The following QSOX1 variants were observed in gnomAD, a reference collection of about 807,000 sequenced individuals.
QSOX1 encodes sulfhydryl oxidase 1.
Under a neutral mutation model 76.1 loss-of-function variants are expected in QSOX1, and 40 were observed. That is an observed-to-expected ratio of 0.53 (90% confidence interval 0.41 to 0.68). The LOEUF is 0.68. Ranked by LOEUF, QSOX1 falls within the 30% of genes least tolerant of loss-of-function variation. QSOX1 has a pLI of 0.00. For synonymous variants in QSOX1, 392 were observed against 413.1 expected, an observed-to-expected ratio of 0.95 and a Z score of 0.62; for missense variants, 931 against 974.3, an observed-to-expected ratio of 0.96 and a Z score of 0.59.
At chr1:180,171,299 T>C (rs891391170) in intron 2 of QSOX1, among the ~76,000 whole-genome samples, 3 of 152,070 alleles carry the variant, frequency 2.0e-5, no homozygotes, top group African/African-American at 4.8e-5. Flanking sequence ...GGAGGTCAAA[T>C]TCATAGGACT....
chr1:180,166,774 C>T (rs899291779), intron 2 of QSOX1, among the ~76,000 whole-genome samples, 183 bp downstream of exon 2: 2 of 152,234 alleles, frequency 1.3e-5, no homozygotes, highest in African/African-American at 4.8e-5. Context: ...AATTGCTCTC[C>T]CTCTTGACCT....
intron 2 of QSOX1, among the ~76,000 whole-genome samples, chr1:180,173,201 A>G (rs1662802843): frequency 6.6e-6 from 1 of 151,846 alleles, no homozygotes; most frequent in South Asian, 2.1e-4. Flanking sequence ...GGTTCAAGTG[A>G]TCCTCCCTCC....
intron 1 of QSOX1, among the ~76,000 whole-genome samples, chr1:180,165,446 A>G (rs1572039545): frequency 6.6e-6 from 1 of 150,766 alleles, no homozygotes. Flanking sequence ...CCTCCCAAAA[A>G]CCCTCCTCTC....
chr1:180,178,937 C>G, intron 5 of QSOX1, 53 bp downstream of exon 5: 1 of 1,522,208 alleles, frequency 6.6e-7, no homozygotes, highest in Non-Finnish European at 9.1e-7. Context: ...GAGAGAGAGC[C>G]CCAGTTTGGG....
chr1:180,183,832 C>T (rs192565250), intron 6 of QSOX1, 84 bp from the exon 7 acceptor site: 15 of 1,416,512 alleles, frequency 1.1e-5, no homozygotes, highest in Non-Finnish European at 1.4e-5. Flanking sequence ...GATGAGCCAC[C>T]CTTCTTCCTC....
rs1663672178 is a variant in QSOX1, at chr1:180,203,303, A to G, written c.*6266A>G. The G allele has an allele frequency of 6.6e-6, 1 of 152,208 alleles. No homozygotes were observed. The highest frequency in any genetic ancestry group is 1.5e-5 in the Non-Finnish European group (1 of 68,034). 9.4% of individuals were successfully genotyped at this position (152,208 alleles called of 1,614,324 possible). A position where few individuals can be genotyped will look rare whatever the true frequency, so the allele number is the denominator to read the frequency against. ...GCTAACGTTTGTCTAGAAAAAGTCT[A>G]GAAAAATACACACTGAACTGTGAAT... On this transcript the variant is annotated 3_prime_UTR_variant, in exon 12 of 12. Transcript: ENST00000367602.
chr1:180,187,413 C>G (rs965566271), intron 8 of QSOX1, among the ~76,000 whole-genome samples: 1 of 152,078 alleles, frequency 6.6e-6, no homozygotes, highest in Non-Finnish European at 1.5e-5. Context: ...CAGAACTGAC[C>G]CACGTACAGT....
Position 180,179,004 on chromosome 1 carries a change from C to T in QSOX1, c.606+120C>T, listed in dbSNP as rs1207237359. 1.3e-5 allele frequency: 11 copies of T among 856,228 alleles called. No individual in the cohort carries two copies. The Admixed American group carries it at 2.1e-4, about 16-fold the overall frequency. 53.0% of individuals were successfully genotyped at this position (856,228 alleles called of 1,614,324 possible). ...TGGCTGCCTGGGTCTTTTAGCCTGGCATTGGCCTGACCCCTGCTGGGAGCC... is the reference window on the plus strand; with the variant it reads ...TGGCTGCCTGGGTCTTTTAGCCTGGTATTGGCCTGACCCCTGCTGGGAGCC... On this transcript the variant is annotated intron_variant, in intron 5 of 11. Coordinates refer to ENST00000367602, the MANE Select transcript of QSOX1 (RefSeq NM_002826.5).
At chr1:180,181,632 A>G (rs1195854646) in intron 5 of QSOX1, among the ~76,000 whole-genome samples, 9 of 152,208 alleles carry the variant, frequency 5.9e-5, no homozygotes, top group African/African-American at 2.2e-4. Context: ...CTGTGACTCA[A>G]GCTTCCATAA....
rs2149245170 is a variant in QSOX1 at position 180,199,749 on chromosome 1, G to A, written c.*2712G>A. Reference sequence around the variant, plus strand: ...ATAGAGACCAAGCAGGGAGGGTGTTGAGGAGGCTTCTGCGAGACCTGAAGG... The same window carrying A: ...ATAGAGACCAAGCAGGGAGGGTGTTAAGGAGGCTTCTGCGAGACCTGAAGG... On this transcript the variant is annotated 3_prime_UTR_variant, in exon 12 of 12. Transcript: ENST00000367602. 6.6e-6 allele frequency: 1 copy of A among 151,752 alleles called. No homozygotes were observed. Among genetic ancestry groups the A allele is most frequent in the Admixed American group, 6.6e-5 (1 of 15,198 alleles). 9.4% of individuals were successfully genotyped at this position (151,752 alleles called of 1,614,324 possible). A position where few individuals can be genotyped will look rare whatever the true frequency, so the allele number is the denominator to read the frequency against.
At position 180,195,603 on chromosome 1, in the gene QSOX1, C is replaced by T. The variant is rs376008820; in HGVS notation, c.1469-659C>T. ...TCCAGAGGCTGCCTAGAGGGCTGGG[C>T]CCACCTGGGGTACCAACAGCCTGCA... On this transcript the variant is annotated intron_variant, in intron 11 of 11. Transcript: ENST00000367602. Among the ~76,000 whole-genome samples the T allele has an allele frequency of 5.3e-5, 8 of 152,152 alleles. No individual in the cohort carries two copies. In the East Asian group the frequency reaches 1.4e-3, roughly 26 times the overall value.
chr1:180,155,786 G>A (rs865800051), intron 1 of QSOX1, among the ~76,000 whole-genome samples: 11 of 152,134 alleles, frequency 7.2e-5, no homozygotes, highest in Non-Finnish European at 1.2e-4. Context: ...CTGACCTGCC[G>A]CCTCCAGCTC....
rs1466655053 is a variant in QSOX1 at position 180,197,366 on chromosome 1, C to T, written c.*329C>T. ...AAGTCCTGCCTCATTCTCACTGGAG[C>T]CTCAGTCTCTCCTGCTTGGTCTTGG... is the stretch of plus-strand genomic sequence containing the variant. On this transcript the variant is annotated 3_prime_UTR_variant, in exon 12 of 12. Coordinates refer to ENST00000367602, the MANE Select transcript of QSOX1 (RefSeq NM_002826.5). The T allele has an allele frequency of 1.9e-6, 3 of 1,613,932 alleles. No individual in the cohort carries two copies. Among genetic ancestry groups the T allele is most frequent in the Admixed American group, 3.3e-5 (2 of 60,022 alleles).
Position 180,199,224 on chromosome 1 carries a change from A to G in QSOX1, c.*2187A>G, listed in dbSNP as rs1216108496. ...CTTGATTTCCCCAGGGCTCTCGGCAACATCGATAAACCAGCCTCGCCCACC... is the reference window on the plus strand; with the variant it reads ...CTTGATTTCCCCAGGGCTCTCGGCAGCATCGATAAACCAGCCTCGCCCACC... On this transcript the variant is annotated 3_prime_UTR_variant, in exon 12 of 12. Transcript: ENST00000367602. The G allele has an allele frequency of 2.0e-5, 3 of 152,246 alleles. No homozygotes were observed. The highest frequency in any genetic ancestry group is 4.4e-5 in the Non-Finnish European group (3 of 68,078). 9.4% of individuals were successfully genotyped at this position (152,246 alleles called of 1,614,324 possible). A position where few individuals can be genotyped will look rare whatever the true frequency, so the allele number is the denominator to read the frequency against.
rs1451204194 is a variant in QSOX1 at position 180,154,956 on chromosome 1, C to CTGCTGCTGT, written c.50_58dup (p.Leu17_Leu19dup). On this transcript the variant is annotated inframe_insertion, in exon 1 of 12. Coordinates refer to ENST00000367602, the MANE Select transcript of QSOX1 (RefSeq NM_002826.5). Reference sequence around the variant, plus strand: ...CGGGCCGCCGCCGTCGCTGCTGCTGCTGCTGCTGTGGCTGCTCGCGGTTCC... The same window carrying CTGCTGCTGT: ...CGGGCCGCCGCCGTCGCTGCTGCTGCTGCTGCTGTTGCTGCTGTGGCTGCTCGCGGTTCC... 6.0e-6 allele frequency: 9 copies of CTGCTGCTGT among 1,499,738 alleles called. No individual in the cohort carries two copies. The highest frequency in any genetic ancestry group is 7.9e-6 in the Non-Finnish European group (9 of 1,132,394). The allele number at this position is 1,499,738 out of a possible 1,614,324, so 92.9% of individuals were successfully genotyped here.
At chr1:180,160,128 C>A (rs935626271) in intron 1 of QSOX1, among the ~76,000 whole-genome samples, 1 of 151,958 alleles carries the variant, frequency 6.6e-6, no homozygotes, top group African/African-American at 2.4e-5. Flanking sequence ...ATGACTCTCC[C>A]CAGGATAATA....
intron 5 of QSOX1, among the ~76,000 whole-genome samples, chr1:180,179,559 A>G (rs1662978388): frequency 6.6e-6 from 1 of 152,374 alleles, no homozygotes; most frequent in South Asian, 2.1e-4. Flanking sequence ...ATAAGGATCC[A>G]TTCCCCTCGC....
chr1:180,197,435 G>A lies in QSOX1; in HGVS notation c.*398G>A. Reference sequence around the variant, plus strand: ...GAAGCCAGAGGAGGGTCCCCCAGCTGGGTGGGCTGGAATGGAACTCCTCAC... The same window carrying A: ...GAAGCCAGAGGAGGGTCCCCCAGCTAGGTGGGCTGGAATGGAACTCCTCAC... On this transcript the variant is annotated 3_prime_UTR_variant, in exon 12 of 12. Coordinates refer to ENST00000367602, the MANE Select transcript of QSOX1 (RefSeq NM_002826.5). 1 of 1,576,014 alleles carries A rather than the reference G, an allele frequency of 6.3e-7. No homozygotes were observed. Among genetic ancestry groups the A allele is most frequent in the Middle Eastern group, 1.7e-4 (1 of 5,982 alleles).
At chr1:180,177,527 T>C (rs1420053322) in intron 4 of QSOX1, among the ~76,000 whole-genome samples, 3 of 152,222 alleles carry the variant, frequency 2.0e-5, no homozygotes, top group Non-Finnish European at 4.4e-5. Context: ...AGTACTGGGA[T>C]TACAGGCATA....
Sources: allele counts gnomAD v4.1 joint callset (sites outside exome capture counted in the v4.1 genomes callset), GRCh38; gene constraint gnomAD v4.1.1; transcripts MANE v1.5; gene names NCBI Gene and HGNC (gene_info 2026-07-23, HGNC 2026-07-21).